Variants in ADAMTS9 observed in about 807,000 individuals in gnomAD.
ADAMTS9 encodes the protein ADAM metallopeptidase with thrombospondin type 1 motif 9.
ADAMTS9 carries 107 observed loss-of-function variants against 257.1 expected under a neutral mutation model. That is an observed-to-expected ratio of 0.42 (90% CI 0.36 to 0.49). ADAMTS9 has a LOEUF of 0.49. Among genes scored for constraint, ADAMTS9 ranks in the 20% least tolerant of loss-of-function variants. ADAMTS9 has a pLI of 0.03. For synonymous variants in ADAMTS9, 982 were observed against 880.9 expected, an observed-to-expected ratio of 1.11 and a Z score of -2.03; for missense variants, 2,353 against 2,469.1, an observed-to-expected ratio of 0.95 and a Z score of 1.00.
intron 3 of ADAMTS9, among the ~76,000 whole-genome samples, chr3:64,678,893 GA>G (rs1701688198): frequency 6.6e-6 from 1 of 152,174 alleles, no homozygotes; most frequent in Non-Finnish European, 1.5e-5. Flanking sequence ...GCAACCTTTG[GA>G]AGAGCTGATC....
intron 29 of ADAMTS9, among the ~76,000 whole-genome samples, chr3:64,564,471 A>C (rs1438340825): frequency 6.6e-6 from 1 of 152,232 alleles, no homozygotes. Context: ...AAAAACAACT[A>C]TATAAACCAA....
intron 29 of ADAMTS9, among the ~76,000 whole-genome samples, chr3:64,567,248 C>T (rs185242758): frequency 6.6e-6 from 1 of 152,124 alleles, no homozygotes; most frequent in African/African-American, 2.4e-5. Context: ...TGCTTTGGGG[C>T]CTTAAGAATC....
At chr3:64,663,494 A>G (rs1701275562) in intron 3 of ADAMTS9, among the ~76,000 whole-genome samples, 1 of 151,692 alleles carries the variant, frequency 6.6e-6, no homozygotes, top group Admixed American at 6.6e-5. Context: ...TCAGAGGGGA[A>G]AAACAAATGT....
chr3:64,559,178 C>A (rs2083381574), intron 30 of ADAMTS9, among the ~76,000 whole-genome samples: 1 of 152,164 alleles, frequency 6.6e-6, no homozygotes, highest in Non-Finnish European at 1.5e-5. Context: ...CTGATTTGAT[C>A]AATTAAGGTA....
intron 3 of ADAMTS9, among the ~76,000 whole-genome samples, chr3:64,671,883 T>C (rs1246282058): frequency 6.6e-6 from 1 of 152,238 alleles, no homozygotes; most frequent in Non-Finnish European, 1.5e-5. Context: ...AAGACTCTTT[T>C]ATGATACAAT....
chr3:64,534,000 T>C (rs1231117833), intron 37 of ADAMTS9, among the ~76,000 whole-genome samples: 3 of 152,150 alleles, frequency 2.0e-5, no homozygotes, highest in Non-Finnish European at 4.4e-5. Flanking sequence ...TCTCTCACTC[T>C]CTCTTTCAAA....
intron 26 of ADAMTS9, among the ~76,000 whole-genome samples, chr3:64,599,493 T>C (rs138795238): frequency 4.6e-5 from 7 of 152,302 alleles, no homozygotes; most frequent in African/African-American, 1.7e-4. Flanking sequence ...CAAATCAACA[T>C]CCTTTTCCTT....
At chr3:64,631,349 T>C in intron 16 of ADAMTS9, 106 bp downstream of exon 16, 1 of 869,966 alleles carries the variant, frequency 1.1e-6, no homozygotes, top group Non-Finnish European at 1.9e-6. Context: ...TGAAAATCCA[T>C]GACATCTGAA....
intron 12 of ADAMTS9, among the ~76,000 whole-genome samples, chr3:64,638,819 A>C (rs1320718240): frequency 6.6e-6 from 1 of 152,156 alleles, no homozygotes; most frequent in African/African-American, 2.4e-5. Context: ...AATATACTAT[A>C]AAGTCTCTGG....
chr3:64,648,939 C>A (rs1433690805), intron 10 of ADAMTS9, among the ~76,000 whole-genome samples: 1 of 152,164 alleles, frequency 6.6e-6, no homozygotes, highest in Non-Finnish European at 1.5e-5. Context: ...CCATGGAATA[C>A]TATTGTACTT....
In ADAMTS9 at chr3:64,539,195, G is replaced by C. The variant is rs773904324; in HGVS notation, c.5613+8C>G. Reference sequence around the variant, plus strand: ...TCCCTGGCAAGGGGGAAGGCACCAAGGACATACCTGTGGGCACTTGGCAGC... The same window carrying C: ...TCCCTGGCAAGGGGGAAGGCACCAACGACATACCTGTGGGCACTTGGCAGC... On this transcript the variant is annotated splice_region_variant and intron_variant, in intron 37 of 39. Coordinates refer to ENST00000498707, the MANE Select transcript of ADAMTS9 (RefSeq NM_182920.2). The C allele has an allele frequency of 5.0e-6, 8 of 1,610,816 alleles. No homozygotes were observed. The highest frequency in any genetic ancestry group is 6.8e-6 in the Non-Finnish European group (8 of 1,176,962).
intron 28 of ADAMTS9, among the ~76,000 whole-genome samples, chr3:64,584,962 G>C (rs2084110058): frequency 6.6e-6 from 1 of 152,064 alleles, no homozygotes; most frequent in Non-Finnish European, 1.5e-5. Context: ...TCTTTTTAAT[G>C]ATTCCCTTCT....
chr3:64,556,714 T>TTTTTTTCCTTCC (rs1553702812), intron 30 of ADAMTS9, among the ~76,000 whole-genome samples: 1 of 138,106 alleles, frequency 7.2e-6, no homozygotes, highest in Non-Finnish European at 1.6e-5. Context: ...TCTATGTTTT[T>TTTTTTTCCTTCC]TTCCTTCCTT....
intron 38 of ADAMTS9, 138 bp from the exon 39 acceptor site, chr3:64,522,398 G>C (rs2082864934): frequency 3.1e-6 from 2 of 650,790 alleles, no homozygotes; most frequent in Non-Finnish European, 5.1e-6. Flanking sequence ...TACTCACCAT[G>C]GTCTAAAGCA....
chr3:64,540,999 A>G, intron 36 of ADAMTS9, 96 bp downstream of exon 36: 1 of 1,500,886 alleles, frequency 6.7e-7, no homozygotes, highest in Admixed American at 1.8e-5. Flanking sequence ...GCAATGTGCA[A>G]TACGCACCTC....
intron 26 of ADAMTS9, 131 bp from the exon 27 acceptor site, chr3:64,597,122 A>G (rs2084382243): frequency 7.8e-7 from 1 of 1,279,420 alleles, no homozygotes. Flanking sequence ...ACAAAAAGCA[A>G]TCAGGAAAAC....
intron 32 of ADAMTS9, among the ~76,000 whole-genome samples, chr3:64,544,701 T>C (rs2083173597): frequency 6.6e-6 from 1 of 152,160 alleles, no homozygotes. Context: ...GACATAGGCA[T>C]GGGCAAGGAC....
In ADAMTS9 at chr3:64,546,768, T is replaced by A. The variant is rs2083204825; in HGVS notation, c.5054A>T (p.Asn1685Ile). The A allele has an allele frequency of 1.9e-6, 3 of 1,602,652 alleles. No homozygotes were observed. The highest frequency in any genetic ancestry group is 2.6e-6 in the Non-Finnish European group (3 of 1,175,040). ...CAGTCTTCTACTTACGCTCCCCCAG[T>A]TGCCAACTCTCCAGGTGGCCGAGAC... Reference protein sequence around the residue: ...CPVSATWRVGNWGSCSVSCGV... With the variant: ...CPVSATWRVGIWGSCSVSCGV... The change falls in exon 32 of 40, where the codon AAC becomes ATC. Residue 1685 changes from asparagine to isoleucine, a missense_variant. This residue lies in a region of ADAMTS9 where 1,402 missense variants were observed against 1,441.4 expected (regional missense o/e 0.97). Coordinates refer to ENST00000498707, the MANE Select transcript of ADAMTS9 (RefSeq NM_182920.2).
chr3:64,599,772 T>G (rs530117670), intron 26 of ADAMTS9, among the ~76,000 whole-genome samples: 177 of 152,372 alleles, frequency 1.2e-3, no homozygotes, highest in Non-Finnish European at 2.1e-3. Flanking sequence ...ACCAAATGTG[T>G]GCGGCCACCT....
Sources: allele counts gnomAD v4.1 joint callset (sites outside exome capture counted in the v4.1 genomes callset), GRCh38; gene constraint gnomAD v4.1.1; regional missense constraint gnomAD v4.1.1; transcripts MANE v1.5; gene names NCBI Gene and HGNC (gene_info 2026-07-23, HGNC 2026-07-21).